The following AK4 variants were observed in gnomAD, a reference collection of about 807,000 sequenced individuals.
AK4 encodes the protein adenylate kinase 4, mitochondrial.
A neutral mutation model predicts 24.6 loss-of-function variants in AK4; 13 were observed. The observed-to-expected ratio is 0.53, with a 90% confidence interval of 0.34 to 0.84. The LOEUF is 0.84. AK4 is among the 40% of genes least tolerant of loss of function. AK4 has a pLI of 0.01. For missense variants in AK4, 192 were observed against 288.2 expected (o/e 0.67, Z 2.42); for synonymous variants, 88 against 107.0 (o/e 0.82, Z 1.10).
chr1:65,184,268 C>T (rs1041255387), intron 1 of AK4, among the ~76,000 whole-genome samples: 3 of 152,058 alleles, frequency 2.0e-5, no homozygotes, highest in African/African-American at 7.2e-5. Context: ...TGATACCATC[C>T]ATCTATCTTT....
intron 2 of AK4, among the ~76,000 whole-genome samples, chr1:65,210,313 T>G (rs1651932039): frequency 6.6e-6 from 1 of 152,198 alleles, no homozygotes; most frequent in Admixed American, 6.5e-5. Flanking sequence ...TGGCACTCTT[T>G]GAGGCCAGTC....
chr1:65,155,667 G>C (rs960085563), intron 1 of AK4, among the ~76,000 whole-genome samples: 1 of 149,246 alleles, frequency 6.7e-6, no homozygotes, highest in Non-Finnish European at 1.5e-5. Flanking sequence ...TTTAGATGGA[G>C]TTTTGCTTTA....
chr1:65,153,401 C>A (rs1273652752), intron 1 of AK4, among the ~76,000 whole-genome samples: 1 of 152,090 alleles, frequency 6.6e-6, no homozygotes, highest in Non-Finnish European at 1.5e-5. Context: ...CCTTAAGTAG[C>A]TGGGGCTACA....
chr1:65,201,015 A>G (rs955791503), intron 2 of AK4, among the ~76,000 whole-genome samples: 2 of 152,078 alleles, frequency 1.3e-5, no homozygotes, highest in Non-Finnish European at 2.9e-5. Context: ...GATAGTCTCC[A>G]TCTCTTGACC....
intron 1 of AK4, among the ~76,000 whole-genome samples, chr1:65,183,823 C>T (rs1187716140): frequency 6.6e-6 from 1 of 152,134 alleles, no homozygotes; most frequent in Non-Finnish European, 1.5e-5. Flanking sequence ...CATCCTACTC[C>T]TTCAGCAGTT....
In AK4 at chr1:65,227,469, A is replaced by G. The variant is rs1369718945; in HGVS notation, c.*1292A>G. The G allele has an allele frequency of 6.6e-6, 1 of 152,488 alleles. No homozygotes were observed. The highest frequency in any genetic ancestry group is 2.4e-5 in the African/African-American group (1 of 41,406). The allele number at this position is 152,488 out of a possible 1,614,324, so 9.4% of individuals were successfully genotyped here. ...TACTAATATTTTGTCATTCATTATA[A>G]CATATCAATAAACCATTTGTTAAAA... is the stretch of plus-strand genomic sequence containing the variant. On this transcript the variant is annotated 3_prime_UTR_variant, in exon 5 of 5. Transcript: ENST00000327299.
rs1332889468 is a variant in AK4, at chr1:65,219,032, T to C, written c.438+106T>C. On this transcript the variant is annotated intron_variant, in intron 3 of 4. Coordinates refer to ENST00000327299, the MANE Select transcript of AK4 (RefSeq NM_013410.4). ...AGTAGACCATTCAAAAAAGAACAAA[T>C]CTACATGACCAAAAAACATTTTTTA... 7 of 790,496 alleles carry C rather than the reference T, an allele frequency of 8.9e-6. No homozygotes were observed. The South Asian group carries it at 3.2e-4, about 36-fold the overall frequency. 49.0% of individuals were successfully genotyped at this position (790,496 alleles called of 1,614,324 possible).
intron 1 of AK4, 85 bp downstream of exon 1, chr1:65,148,637 G>A: frequency 7.0e-7 from 1 of 1,426,660 alleles, no homozygotes; most frequent in Non-Finnish European, 9.2e-7. Context: ...CCCGGATCAC[G>A]GCGCCCTTCC....
At chr1:65,222,564 G>A (rs866356746) in intron 3 of AK4, among the ~76,000 whole-genome samples, 1 of 152,148 alleles carries the variant, frequency 6.6e-6, no homozygotes, top group African/African-American at 2.4e-5. Flanking sequence ...ATTTGCTGAT[G>A]CTCTGAAATT....
chr1:65,156,120 A>G (rs762655053), intron 1 of AK4, among the ~76,000 whole-genome samples: 2 of 152,216 alleles, frequency 1.3e-5, no homozygotes, highest in Non-Finnish European at 2.9e-5. Flanking sequence ...TAATTCCAAT[A>G]TTCAAATATA....
intron 2 of AK4, among the ~76,000 whole-genome samples, chr1:65,199,503 C>A (rs1403868149): frequency 1.3e-5 from 2 of 151,962 alleles, no homozygotes; most frequent in African/African-American, 4.8e-5. Context: ...GAGCCGAGAT[C>A]GTGCTACTGT....
intron 1 of AK4, among the ~76,000 whole-genome samples, chr1:65,168,798 T>C (rs1310443789): frequency 6.6e-6 from 1 of 152,170 alleles, no homozygotes; most frequent in Non-Finnish European, 1.5e-5. Flanking sequence ...GCCAGAGATT[T>C]TCTCCCTTGG....
At chr1:65,212,243 A>G (rs1403098494) in intron 2 of AK4, among the ~76,000 whole-genome samples, 1 of 152,138 alleles carries the variant, frequency 6.6e-6, no homozygotes, top group Non-Finnish European at 1.5e-5. Context: ...GGATGCCACC[A>G]TGATGCCCTG....
At chr1:65,192,919 C>T (rs1651353190) in intron 2 of AK4, among the ~76,000 whole-genome samples, 1 of 152,206 alleles carries the variant, frequency 6.6e-6, no homozygotes, top group East Asian at 1.9e-4. Flanking sequence ...GCTTCCAGGG[C>T]CTCAGAAGCC....
Position 65,229,958 on chromosome 1 carries a change from A to G in AK4, c.*3781A>G, listed in dbSNP as rs1162284050. The G allele has an allele frequency of 6.6e-6, 1 of 152,286 alleles. No individual in the cohort carries two copies. Among genetic ancestry groups the G allele is most frequent in the Non-Finnish European group, 1.5e-5 (1 of 68,084 alleles). The allele number at this position is 152,286 out of a possible 1,614,324, so 9.4% of individuals were successfully genotyped here. On this transcript the variant is annotated 3_prime_UTR_variant, in exon 5 of 5. Transcript: ENST00000327299. Reference sequence around the variant, plus strand: ...TCCTTCCTAAAATGCTGGTAGGTAAACAAGCAATGATGAAGCATTGAACAC... The same window carrying G: ...TCCTTCCTAAAATGCTGGTAGGTAAGCAAGCAATGATGAAGCATTGAACAC...
intron 3 of AK4, among the ~76,000 whole-genome samples, chr1:65,221,126 G>GT (rs1479479009): frequency 2.0e-5 from 3 of 152,024 alleles, no homozygotes; most frequent in Non-Finnish European, 2.9e-5. Context: ...AAGAATTATT[G>GT]TTTTTTTGAT....
chr1:65,158,159 A>G (rs547269230), intron 1 of AK4, among the ~76,000 whole-genome samples: 40 of 152,230 alleles, frequency 2.6e-4, no homozygotes, highest in African/African-American at 9.1e-4. Context: ...TAAGATATAC[A>G]TACACATAGT....
Position 65,148,213 on chromosome 1 carries a change from C to T in AK4, c.-195C>T. ...TGTAGCGTGGCGCTCAGTCCGCCTG[C>T]TACTCGGTCCCGGCGCTGGGCTGAG... On this transcript the variant is annotated 5_prime_UTR_variant, in exon 1 of 5. Coordinates refer to ENST00000327299, the MANE Select transcript of AK4 (RefSeq NM_013410.4). The T allele has an allele frequency of 9.1e-6, 11 of 1,208,042 alleles. No individual in the cohort carries two copies. The highest frequency in any genetic ancestry group is 1.1e-5 in the Non-Finnish European group (10 of 904,060). The allele number at this position is 1,208,042 out of a possible 1,614,324, so 74.8% of individuals were successfully genotyped here. A position where few individuals can be genotyped will look rare whatever the true frequency, so the allele number is the denominator to read the frequency against.
At chr1:65,160,313 G>A (rs1650118948) in intron 1 of AK4, among the ~76,000 whole-genome samples, 1 of 152,206 alleles carries the variant, frequency 6.6e-6, no homozygotes, top group Admixed American at 6.5e-5. Context: ...GGCAGGTTTG[G>A]TGTCTAATAA....
Sources: gnomAD v4.1 joint callset for allele counts (sites outside exome capture counted in the v4.1 genomes callset) on GRCh38, gnomAD v4.1.1 for gene constraint, MANE v1.5 for transcripts, NCBI Gene and HGNC (gene_info 2026-07-23, HGNC 2026-07-21) for gene names.